The following ERC1 variants were observed in gnomAD, a reference collection of about 807,000 sequenced individuals.
ERC1 encodes the protein RAB6 interacting protein 2.
ERC1 carries 56 observed loss-of-function variants against 132.0 expected under a neutral mutation model. The observed-to-expected ratio is 0.42, with a 90% CI of 0.34 to 0.53. The LOEUF (loss-of-function observed/expected upper bound fraction) is 0.53. Ranked by LOEUF, ERC1 falls within the 20% of genes least tolerant of loss-of-function variation. The pLI is 0.03. For synonymous variants in ERC1, 478 were observed against 476.1 expected (o/e 1.00, Z -0.05); for missense variants, 1,202 against 1,349.9 (o/e 0.89, Z 1.72).
At chr12:1,195,157 G>A (rs1345995156) in intron 12 of ERC1, among the ~76,000 whole-genome samples, 2 of 152,080 alleles carry the variant, frequency 1.3e-5, no homozygotes, top group Non-Finnish European at 2.9e-5. Flanking sequence ...ATTTTAAGCT[G>A]ATTGTTTGAG....
chr12:1,210,864 A>G (rs1177794905), intron 12 of ERC1, among the ~76,000 whole-genome samples: 1 of 151,858 alleles, frequency 6.6e-6, no homozygotes, highest in African/African-American at 2.4e-5. Context: ...GTGTGGTGGC[A>G]TGCGCCTGTA....
chr12:1,417,425 ACTG>A (rs2092169690), intron 17 of ERC1, among the ~76,000 whole-genome samples: 1 of 148,532 alleles, frequency 6.7e-6, no homozygotes, highest in South Asian at 2.1e-4. Flanking sequence ...CAGTTTTGCT[ACTG>A]CTGCTGCTTT....
chr12:1,183,160 A>G, intron 10 of ERC1, 121 bp from the exon 11 acceptor site: 1 of 516,310 alleles, frequency 1.9e-6, no homozygotes, highest in East Asian at 3.1e-5. Context: ...GTTTCCTTGT[A>G]ATGGGAGTAT....
intron 3 of ERC1, among the ~76,000 whole-genome samples, chr12:1,095,623 C>T (rs1326454321): frequency 6.6e-6 from 1 of 152,044 alleles, no homozygotes; most frequent in African/African-American, 2.4e-5. Context: ...AAATTTTCAG[C>T]CAAAAAGGAG....
At position 1,090,860 on chromosome 12, in the gene ERC1, GTTGTTGTTATTATTATTA is replaced by G. The variant is rs1188959038; in HGVS notation, c.1086+7283_1086+7300del. On this transcript the variant is annotated intron_variant, in intron 3 of 18. Coordinates refer to ENST00000360905, the MANE Select transcript of ERC1 (RefSeq NM_178040.4). ...TATTATTATTATTGTTGTTGTTGTTGTTGTTGTTATTATTATTATTATTATTATTATTATTATTATTAT... is the reference window on the plus strand; with the variant it reads ...TATTATTATTATTGTTGTTGTTGTTGTTATTATTATTATTATTATTATTAT... Among the ~76,000 whole-genome samples, 3 of 61,984 alleles carry G rather than the reference GTTGTTGTTATTATTATTA, an allele frequency of 4.8e-5. 1 individual carries two copies. Among genetic ancestry groups the G allele is most frequent in the African/African-American group, 1.7e-4 (3 of 17,306 alleles). 40.7% of individuals were successfully genotyped at this position (61,984 alleles called of 152,430 possible). A position where few individuals can be genotyped will look rare whatever the true frequency, so the allele number is the denominator to read the frequency against.
chr12:1,431,521 A>G (rs1310165729), intron 17 of ERC1, among the ~76,000 whole-genome samples: 1 of 152,230 alleles, frequency 6.6e-6, no homozygotes, highest in South Asian at 2.1e-4. Flanking sequence ...AAATTATCTT[A>G]TGGAATCATT....
rs1471863838 is a variant in ERC1, at chr12:1,418,619, CTTTCTTTCTTTCTTTCTTTCTT to C, written c.3024+10374_3024+10395del. 3.3e-3 allele frequency among the ~76,000 whole-genome samples: 417 copies of C among 126,710 alleles called. 2 individuals are homozygous for C. Among genetic ancestry groups the C allele is most frequent in the African/African-American group, 0.013 (341 of 25,804 alleles). 83.1% of individuals were successfully genotyped at this position (126,710 alleles called of 152,430 possible). On this transcript the variant is annotated intron_variant, in intron 17 of 18. Coordinates refer to ENST00000360905, the MANE Select transcript of ERC1 (RefSeq NM_178040.4). ...TCTTTCTTTCTTTCTTTCTTTCTTT[CTTTCTTTCTTTCTTTCTTTCTT>C]TCTCTCTCTCTCTCTCTCTCTTTCT...
At chr12:993,670 G>A (rs1236067158) in intron 1 of ERC1, among the ~76,000 whole-genome samples, 1 of 152,134 alleles carries the variant, frequency 6.6e-6, no homozygotes, top group Non-Finnish European at 1.5e-5. Flanking sequence ...TTGGGAGGCC[G>A]AGGCAGGCGG....
chr12:1,463,429 A>G (rs1592208863), intron 18 of ERC1, among the ~76,000 whole-genome samples: 1 of 152,148 alleles, frequency 6.6e-6, no homozygotes, highest in Non-Finnish European at 1.5e-5. Flanking sequence ...AGAAAGAAGA[A>G]TGGTTCTTTG....
intron 18 of ERC1, among the ~76,000 whole-genome samples, chr12:1,487,360 C>T (rs1483029336): frequency 6.9e-6 from 1 of 144,556 alleles, no homozygotes; most frequent in Non-Finnish European, 1.5e-5. Context: ...TCTTATGGTG[C>T]CAAGCATCTA....
chr12:992,669 C>CA (rs1938646432), intron 1 of ERC1, among the ~76,000 whole-genome samples: 1 of 152,210 alleles, frequency 6.6e-6, no homozygotes, highest in African/African-American at 2.4e-5. Context: ...TTCTTCACAT[C>CA]ACTCTTTCAC....
intron 2 of ERC1, among the ~76,000 whole-genome samples, chr12:1,052,501 G>A (rs1972196960): frequency 6.6e-6 from 1 of 151,982 alleles, no homozygotes; most frequent in Non-Finnish European, 1.5e-5. Flanking sequence ...AACTTTTCTG[G>A]GCTTGAGATA....
chr12:1,255,621 CTTTTTTT>C (rs757949030), intron 13 of ERC1, among the ~76,000 whole-genome samples: 87 of 61,524 alleles, frequency 1.4e-3, no homozygotes, highest in South Asian at 5.8e-3. Context: ...GCTTCCTGGC[CTTTTTTT>C]TTTTTTTTTT....
intron 2 of ERC1, among the ~76,000 whole-genome samples, chr12:1,034,973 C>G (rs1209490297): frequency 6.6e-6 from 1 of 152,180 alleles, no homozygotes; most frequent in Non-Finnish European, 1.5e-5. Flanking sequence ...TAATTAAACA[C>G]CAGTGCTGGC....
At chr12:1,236,959 C>T (rs2075457827) in intron 13 of ERC1, 55 bp downstream of exon 13, 11 of 1,591,064 alleles carry the variant, frequency 6.9e-6, no homozygotes, top group Non-Finnish European at 7.7e-6. Context: ...GATCCGTAAT[C>T]GCATGTTGTT....
intron 15 of ERC1, among the ~76,000 whole-genome samples, chr12:1,319,600 G>A (rs1327317404): frequency 1.3e-5 from 2 of 152,074 alleles, no homozygotes; most frequent in African/African-American, 4.8e-5. Flanking sequence ...ATAAATTTTA[G>A]TACTAAAATA....
chr12:1,163,004 C>T (rs1348547669), intron 8 of ERC1, among the ~76,000 whole-genome samples: 2 of 152,082 alleles, frequency 1.3e-5, no homozygotes, highest in Non-Finnish European at 2.9e-5. Context: ...AAAAACAATG[C>T]GCAGTAAATG....
intron 10 of ERC1, 53 bp from the exon 11 acceptor site, chr12:1,183,228 A>G: frequency 7.9e-7 from 1 of 1,263,672 alleles, no homozygotes. Flanking sequence ...TAAAAATTTA[A>G]ACCTCTATTT....
chr12:1,080,867 C>T (rs976370568), intron 2 of ERC1, among the ~76,000 whole-genome samples: 1 of 151,908 alleles, frequency 6.6e-6, no homozygotes, highest in Admixed American at 6.6e-5. Flanking sequence ...CTTTTTGTTT[C>T]CAGTTTTGGG....
Sources: gnomAD v4.1 joint callset for allele counts (sites outside exome capture counted in the v4.1 genomes callset) on GRCh38, gnomAD v4.1.1 for gene constraint, MANE v1.5 for transcripts, NCBI Gene and HGNC (gene_info 2026-07-23, HGNC 2026-07-21) for gene names.